Variants in PIK3CD observed in about 807,000 individuals in gnomAD.
The protein encoded by PIK3CD is phosphatidylinositol-4,5-bisphosphate 3-kinase catalytic subunit delta.
A neutral mutation model predicts 122.9 loss-of-function variants in PIK3CD; 20 were observed. That is an observed-to-expected ratio of 0.16 (90% CI 0.11 to 0.24). PIK3CD has a LOEUF of 0.24. Ranked by LOEUF, PIK3CD falls within the 10% of genes least tolerant of loss-of-function variation. The probability of loss-of-function intolerance (pLI) is 1.00; values close to 1 mark genes in which losing one functional copy is unlikely to be tolerated. For synonymous variants in PIK3CD, 596 were observed against 593.4 expected (o/e 1.00, Z -0.06); for missense variants, 787 against 1,406.3 (o/e 0.56, Z 7.04).
In PIK3CD at chr1:9,720,929, T is replaced by C. The variant is rs181919452; in HGVS notation, c.1689+20T>C. Reference sequence around the variant, plus strand: ...GCCCAGGTGGGTGGGGAGGCGCACCTGGGGGCGGAGCTGGGGGCAGACCAC... The same window carrying C: ...GCCCAGGTGGGTGGGGAGGCGCACCCGGGGGCGGAGCTGGGGGCAGACCAC... On this transcript the variant is annotated intron_variant, in intron 13 of 23. Coordinates refer to ENST00000377346, the MANE Select transcript of PIK3CD (RefSeq NM_005026.5). The surrounding 1 kb of genome is among the most constrained non-coding windows in gnomAD (Gnocchi z 9.0). 0.03 allele frequency: 46,612 copies of C among 1,565,276 alleles called. 790 individuals are homozygous for C. Among genetic ancestry groups the C allele is most frequent in the Non-Finnish European group, 0.034 (39,252 of 1,155,652 alleles).
In PIK3CD at chr1:9,719,286, A is replaced by G. The variant is rs1417004147; in HGVS notation, c.1242+371A>G. On this transcript the variant is annotated intron_variant, in intron 9 of 23. Transcript: ENST00000377346. The surrounding 1 kb of genome is among the most constrained non-coding windows in gnomAD (Gnocchi z 5.5). ...GGGTGCTGAGTCACGGTCCCAGGAT[A>G]TGGCTCCCCTCGGAGCTGACTCACT... Among the ~76,000 whole-genome samples, 13 of 152,214 alleles carry G rather than the reference A, an allele frequency of 8.5e-5. No homozygotes were observed. Among genetic ancestry groups the G allele is most frequent in the Admixed American group, 3.3e-4 (5 of 15,288 alleles).
At chr1:9,690,975 G>A (rs1032583721) in intron 1 of PIK3CD, among the ~76,000 whole-genome samples, 1 of 152,048 alleles carries the variant, frequency 6.6e-6, no homozygotes, top group Non-Finnish European at 1.5e-5. Context: ...CAAGGAGTGG[G>A]CGGCCCCTCC....
chr1:9,655,671 T>G (rs929072012), intron 1 of PIK3CD, among the ~76,000 whole-genome samples: 2 of 149,782 alleles, frequency 1.3e-5, no homozygotes, highest in African/African-American at 4.9e-5. Flanking sequence ...GGGTCCCTTT[T>G]CCTATTACTT....
intron 1 of PIK3CD, among the ~76,000 whole-genome samples, chr1:9,675,669 G>A (rs984222611): frequency 6.6e-6 from 1 of 151,982 alleles, no homozygotes; most frequent in South Asian, 2.1e-4. Flanking sequence ...GGGGCTTCCT[G>A]GCTCTTTTTC....
rs756515572 is a variant in PIK3CD at position 9,665,201 on chromosome 1, C to CAA, written c.-138+13420_-138+13421dup. 1.9e-3 allele frequency among the ~76,000 whole-genome samples: 100 copies of CAA among 52,750 alleles called. 1 individual carries two copies. The highest frequency in any genetic ancestry group is 5.9e-3 in the African/African-American group (78 of 13,272). The allele number at this position is 52,750 out of a possible 152,430, so 34.6% of individuals were successfully genotyped here. A position where few individuals can be genotyped will look rare whatever the true frequency, so the allele number is the denominator to read the frequency against. ...CCTGGGTAACAGAGTGACAGCCTGT[C>CAA]AAAAAAAAAAAAAAAAAAAAAACCT... is the stretch of plus-strand genomic sequence containing the variant. On this transcript the variant is annotated intron_variant, in intron 1 of 23. Transcript: ENST00000377346.
chr1:9,721,204 T>C lies in PIK3CD; in HGVS notation c.1767T>C (p.Asp589=), dbSNP rs1429890099. 6.2e-7 allele frequency: 1 copy of C among 1,613,444 alleles called. No homozygotes were observed. Among genetic ancestry groups the C allele is most frequent in the Non-Finnish European group, 8.5e-7 (1 of 1,179,984 alleles). ...AGCTGCTAGACTTCAGCTTCCCCGA[T>C]TGCCACGTAGGCTCCTTCGCCATCA... ...ALELLDFSFP[D]CHVGSFAIKS... is the part of the protein sequence containing the mutation. Residue 589 remains aspartate, a synonymous_variant, in exon 14 of 24, where the codon GAT becomes GAC. Transcript: ENST00000377346.
Position 9,723,133 on chromosome 1 carries a change from C to T in PIK3CD, c.2435C>T (p.Pro812Leu), listed in dbSNP as rs781451534. Residue 812 changes from proline (P) to leucine (L), a missense_variant, in exon 20 of 24, where the codon CCC becomes CTC. Around this residue, in one of 6 missense-constraint regions of PIK3CD, gnomAD observed 69 missense variants for 166.8 expected, o/e 0.41. Transcript: ENST00000377346. The surrounding 1 kb of genome is among the most constrained non-coding windows in gnomAD (Gnocchi z 4.9). ...TCTTCCCCCTTGCCTAGGATGACCC[C>T]CTATGGCTGCCTCCCCACCGGGGAC... ...KQEGLDLRMT[P>L]YGCLPTGDRT... The T allele has an allele frequency of 1.3e-5, 21 of 1,613,490 alleles. No individual in the cohort carries two copies. The highest frequency in any genetic ancestry group is 1.8e-5 in the Non-Finnish European group (21 of 1,180,018).
At chr1:9,638,715 G>C in the PIK3CD span, among the ~76,000 whole-genome samples, 11 of 124,616 alleles carry the variant, frequency 8.8e-5, no homozygotes, top group Non-Finnish European at 1.1e-4. Context: ...CTGGGTGACA[G>C]AGCGAGACTC....
At chr1:9,653,832 C>A in intron 1 of PIK3CD, 1 of 1,367,564 alleles carries the variant, frequency 7.3e-7, no homozygotes, top group Non-Finnish European at 9.8e-7. Context: ...GGCCTGCTGG[C>A]GGCTTCCTGG....
At position 9,727,673 on chromosome 1, in the gene PIK3CD, C is replaced by G. The variant is rs1481577198; in HGVS notation, c.*627C>G. On this transcript the variant is annotated 3_prime_UTR_variant, in exon 24 of 24. Transcript: ENST00000377346. ...CACCTCTACGGCTGGGGAGATCAGGCCCAGCCCCATAAAGGAGAATCTACG... is the reference window on the plus strand; with the variant it reads ...CACCTCTACGGCTGGGGAGATCAGGGCCAGCCCCATAAAGGAGAATCTACG... 1.8e-5 allele frequency: 4 copies of G among 217,622 alleles called. No individual in the cohort carries two copies. In the East Asian group the frequency reaches 2.9e-4, roughly 16 times the overall value. The allele number at this position is 217,622 out of a possible 1,614,324, so 13.5% of individuals were successfully genotyped here.
intron 6 of PIK3CD, 140 bp downstream of exon 6, chr1:9,716,759 T>G: frequency 8.5e-7 from 1 of 1,171,624 alleles, no homozygotes; most frequent in South Asian, 1.3e-5. Flanking sequence ...CATCCCCTGG[T>G]AGGGCTGGCC....
intron 2 of PIK3CD, among the ~76,000 whole-genome samples, chr1:9,709,050 A>G (rs1646949627): frequency 1.3e-5 from 2 of 151,376 alleles, no homozygotes; most frequent in Non-Finnish European, 2.9e-5. Context: ...TTTTTTTGAG[A>G]CGGAGTTTCG....
the PIK3CD span, among the ~76,000 whole-genome samples, chr1:9,630,985 G>A: frequency 2.6e-5 from 4 of 152,088 alleles, no homozygotes; most frequent in Non-Finnish European, 5.9e-5. Flanking sequence ...CCTGCACACC[G>A]GGACAGAGTT....
Position 9,720,599 on chromosome 1 carries a change from C to G in PIK3CD, c.1471-12C>G. The G allele has an allele frequency of 6.9e-7, 1 of 1,441,376 alleles. No homozygotes were observed. The highest frequency in any genetic ancestry group is 9.2e-7 in the Non-Finnish European group (1 of 1,081,124). The allele number at this position is 1,441,376 out of a possible 1,614,324, so 89.3% of individuals were successfully genotyped here. A position where few individuals can be genotyped will look rare whatever the true frequency, so the allele number is the denominator to read the frequency against. The stretch of plus-strand genomic sequence containing the variant: ...GGCCCCTGGGGACGCTGAGTGCAGC[C>G]GTTTGTTGCAGATCTTGGAGCTGGG... On this transcript the variant is annotated splice_polypyrimidine_tract_variant and intron_variant, in intron 11 of 23. Transcript: ENST00000377346. This position sits in a 1 kb window ranked among gnomAD's most constrained non-coding sequence, Gnocchi z 9.0.
chr1:9,684,275 G>A (rs1456608406), intron 1 of PIK3CD, among the ~76,000 whole-genome samples: 1 of 152,144 alleles, frequency 6.6e-6, no homozygotes, highest in Non-Finnish European at 1.5e-5. Context: ...AGTGGCTCAC[G>A]CCTGTAATCC....
In PIK3CD at chr1:9,718,746, T is replaced by C. The variant is rs188586233; in HGVS notation, c.1073T>C (p.Val358Ala). 8.0e-5 allele frequency: 129 copies of C among 1,607,058 alleles called. No homozygotes were observed. The highest frequency in any genetic ancestry group is 2.0e-5 in the Non-Finnish European group (24 of 1,179,288). ...FHGNEMLCKTVSSSEVSVCSE... is the reference protein window; with the variant it reads ...FHGNEMLCKTASSSEVSVCSE... ...GGCAACGAGATGCTGTGCAAGACGG[T>C]GTCCAGCTCGGAGGTGAGCGTGTGC... is the stretch of plus-strand genomic sequence containing the variant. The change falls in exon 9 of 24, where the codon GTG becomes GCG. Residue 358 changes from valine (V) to alanine (A), a missense_variant. Around this residue, in one of 6 missense-constraint regions of PIK3CD, gnomAD observed 592 missense variants for 920.6 expected, o/e 0.64. Coordinates refer to ENST00000377346, the MANE Select transcript of PIK3CD (RefSeq NM_005026.5). This position sits in a 1 kb window ranked among gnomAD's most constrained non-coding sequence, Gnocchi z 7.2.
Position 9,724,997 on chromosome 1 carries a change from T to G in PIK3CD, c.2997+61T>G. The stretch of plus-strand genomic sequence containing the variant: ...ACTTCCAAGGCCTGCCCCCGAGCAA[T>G]GTGACCTAGGAGGGCCCTGAATGCA... On this transcript the variant is annotated intron_variant, in intron 23 of 23. Transcript: ENST00000377346. This position sits in a 1 kb window ranked among gnomAD's most constrained non-coding sequence, Gnocchi z 7.3. The G allele has an allele frequency of 6.2e-7, 1 of 1,601,338 alleles. No homozygotes were observed. Among genetic ancestry groups the G allele is most frequent in the Non-Finnish European group, 8.5e-7 (1 of 1,173,830 alleles).
chr1:9,675,376 A>G (rs563419258), intron 1 of PIK3CD, among the ~76,000 whole-genome samples: 1 of 121,294 alleles, frequency 8.2e-6, no homozygotes, highest in Admixed American at 9.7e-5. Context: ...ACAGAGCGAG[A>G]CTCCGTCTCA....
At position 9,700,483 on chromosome 1, in the gene PIK3CD, CCTTGGATATTTTATGAGTGA is replaced by C. The variant is rs1165570951; in HGVS notation, c.-33+8916_-33+8935del. 1.3e-5 allele frequency among the ~76,000 whole-genome samples: 2 copies of C among 152,158 alleles called. No individual in the cohort carries two copies. Among genetic ancestry groups the C allele is most frequent in the Admixed American group, 1.3e-4 (2 of 15,264 alleles). ...AAGGAATTGTGTTCTTATCCTGTTTCCTTGGATATTTTATGAGTGACTTAGATGTGGACACAACTCATGCC... is the reference window on the plus strand; with the variant it reads ...AAGGAATTGTGTTCTTATCCTGTTTCCTTAGATGTGGACACAACTCATGCC... On this transcript the variant is annotated intron_variant, in intron 2 of 23. Transcript: ENST00000377346. The surrounding 1 kb of genome is among the most constrained non-coding windows in gnomAD (Gnocchi z 5.1).
Sources: allele counts gnomAD v4.1 joint callset (sites outside exome capture counted in the v4.1 genomes callset), GRCh38; gene constraint gnomAD v4.1.1; regional missense constraint gnomAD v4.1.1; non-coding constraint Gnocchi (gnomAD v3.1); transcripts MANE v1.5; gene names NCBI Gene and HGNC (gene_info 2026-07-23, HGNC 2026-07-21).